The following AMPD3 variants were observed in gnomAD, a reference collection of about 807,000 sequenced individuals.
AMPD3 encodes the protein adenosine monophosphate deaminase 3.
In AMPD3, 57 loss-of-function variants were observed where a neutral mutation model predicts 82.3. The ratio of observed to expected loss-of-function variants is 0.69; its 90% confidence interval spans 0.56 to 0.86. The LOEUF (loss-of-function observed/expected upper bound fraction) is 0.86, where lower values mean the gene tolerates loss of function less well. AMPD3 is among the 40% of genes least tolerant of loss of function. The pLI, the probability that AMPD3 is intolerant of heterozygous loss-of-function variation, is 0.00. For synonymous variants in AMPD3, 381 were observed against 394.7 expected (o/e 0.97, Z 0.41); for missense variants, 870 against 1,003.8 (o/e 0.87, Z 1.80).
At chr11:10,492,576 G>A (rs965227653) in intron 6 of AMPD3, among the ~76,000 whole-genome samples, 5 of 152,206 alleles carry the variant, frequency 3.3e-5, no homozygotes, top group African/African-American at 1.2e-4. Context: ...TGTCGTACCT[G>A]TTAATTTGTT....
At chr11:10,481,309 C>A (rs2133885449) in intron 3 of AMPD3, 1 of 395,588 alleles carries the variant, frequency 2.5e-6, no homozygotes, top group Non-Finnish European at 3.4e-6. Flanking sequence ...TTTTGTTTCG[C>A]CATCTGAAGG....
chr11:10,467,604 T>A (rs1289302548), intron 2 of AMPD3, among the ~76,000 whole-genome samples: 1 of 152,126 alleles, frequency 6.6e-6, no homozygotes, highest in South Asian at 2.1e-4. Context: ...CAGGATATTA[T>A]CCAGGAAAAC....
At chr11:10,487,129 G>C in intron 5 of AMPD3, 106 bp from the exon 6 acceptor site, 1 of 1,589,650 alleles carries the variant, frequency 6.3e-7, no homozygotes, top group Non-Finnish European at 8.6e-7. Flanking sequence ...GCCCTGCTCC[G>C]TCCTGACCCT....
At chr11:10,461,852 C>A (rs955758494) in intron 2 of AMPD3, 112 bp downstream of exon 2, 15 of 1,046,062 alleles carry the variant, frequency 1.4e-5, no homozygotes, top group Non-Finnish European at 2.0e-5. Context: ...GTCCCTAGAG[C>A]TGTGTTGGTT....
intron 1 of AMPD3, among the ~76,000 whole-genome samples, chr11:10,460,451 G>A (rs1356842289): frequency 6.6e-6 from 1 of 150,510 alleles, no homozygotes; most frequent in Non-Finnish European, 1.5e-5. Context: ...CTGTTACCCA[G>A]GTTGGAGTGA....
chr11:10,484,872 A>AC lies in AMPD3; in HGVS notation c.648dup (p.Asn217GlnfsTer17), dbSNP rs1298240902. On this transcript the variant is annotated frameshift_variant, in exon 5 of 15. Coordinates refer to ENST00000396553, the MANE Select transcript of AMPD3 (RefSeq NM_001025389.2). LOFTEE classifies it high-confidence loss of function. ...AAGACCCCTACTGCCTGGATGATGC[A>AC]CCCCCCAACCTGGATTACTTGGTCC... 3 of 1,613,548 alleles carry AC rather than the reference A, an allele frequency of 1.9e-6. No individual in the cohort carries two copies. Among genetic ancestry groups the AC allele is most frequent in the Admixed American group, 1.7e-5 (1 of 59,946 alleles).
At chr11:10,501,169 C>G in intron 11 of AMPD3, 2 of 985,376 alleles carry the variant, frequency 2.0e-6, no homozygotes, top group Non-Finnish European at 2.4e-6. Flanking sequence ...CTCTGGAGTT[C>G]TACGAATGCG....
At chr11:10,451,552 T>A (rs927885428), upstream of AMPD3, among the ~76,000 whole-genome samples, 1 of 152,222 alleles carries the variant, frequency 6.6e-6, no homozygotes, top group African/African-American at 2.4e-5. Flanking sequence ...GATCTTCTGG[T>A]AGCTGCTTTG....
At chr11:10,497,453 G>A in intron 10 of AMPD3, 1 of 369,482 alleles carries the variant, frequency 2.7e-6, no homozygotes, top group Non-Finnish European at 3.8e-6. Context: ...CTTAACCAGG[G>A]AGGGAGGCGG....
chr11:10,450,832 C>CCCGCGGGGCCCTCCTGGCCGGGGAT (rs1192142016), upstream of AMPD3: 1 of 1,194,092 alleles, frequency 8.4e-7, no homozygotes. Flanking sequence ...CCTCCCTCCT[C>CCCGCGGGGCCCTCCTGGCCGGGGAT]CCGCGGGGCC....
intron 2 of AMPD3, chr11:10,473,711 G>A: frequency 3.1e-6 from 2 of 651,612 alleles, no homozygotes; most frequent in Non-Finnish European, 3.8e-6. Context: ...AGATAGGCTG[G>A]GACCTCTGGT....
At chr11:10,491,340 G>T (rs945237509) in intron 6 of AMPD3, among the ~76,000 whole-genome samples, 3 of 152,210 alleles carry the variant, frequency 2.0e-5, no homozygotes, top group Admixed American at 2.0e-4. Flanking sequence ...GTTGTCCTAT[G>T]AGTGAAGCAC....
At chr11:10,453,771 T>G (rs946895979), upstream of AMPD3, among the ~76,000 whole-genome samples, 2 of 151,936 alleles carry the variant, frequency 1.3e-5, no homozygotes, top group Admixed American at 1.3e-4. Flanking sequence ...TGTGTTTTAG[T>G]AGAGATGGGG....
intron 1 of AMPD3, among the ~76,000 whole-genome samples, chr11:10,459,166 G>A (rs1056021301): frequency 6.6e-6 from 1 of 152,150 alleles, no homozygotes; most frequent in African/African-American, 2.4e-5. Context: ...CCAGACAGTT[G>A]TGTGTTGACA....
chr11:10,479,808 C>G (rs1262722438), intron 3 of AMPD3: 3 of 793,046 alleles, frequency 3.8e-6, no homozygotes, highest in Non-Finnish European at 4.6e-6. Context: ...CTTCTTTGTC[C>G]TTTTAAAAAA....
Position 10,484,930 on chromosome 11 carries a change from A to C in AMPD3, c.700A>C (p.Asn234His). The change falls in exon 5 of 15, where the codon AAC (asparagine) becomes CAC (histidine). Residue 234 changes from asparagine to histidine, a missense_variant. Coordinates refer to ENST00000396553, the MANE Select transcript of AMPD3 (RefSeq NM_001025389.2). ...GGGGGGCATCCTCTTTGTGTATGATAACAAGAAGATGCTGGAGCACCAGGA... is the reference window on the plus strand; with the variant it reads ...GGGGGGCATCCTCTTTGTGTATGATCACAAGAAGATGCTGGAGCACCAGGA... ...MQGGILFVYD[N>H]KKMLEHQEPH... 2 of 1,614,136 alleles carry C rather than the reference A, an allele frequency of 1.2e-6. No homozygotes were observed. Among genetic ancestry groups the C allele is most frequent in the Non-Finnish European group, 1.7e-6 (2 of 1,180,022 alleles).
At chr11:10,490,277 G>A (rs1024519262) in intron 6 of AMPD3, among the ~76,000 whole-genome samples, 3 of 152,230 alleles carry the variant, frequency 2.0e-5, no homozygotes, top group African/African-American at 7.2e-5. Context: ...AGAGCTGAGT[G>A]TGTTTGCTGC....
At chr11:10,492,345 G>C (rs916432479) in intron 6 of AMPD3, among the ~76,000 whole-genome samples, 1 of 152,242 alleles carries the variant, frequency 6.6e-6, no homozygotes, top group Non-Finnish European at 1.5e-5. Context: ...GCGGCTTCCA[G>C]TAGAGTGGCT....
At chr11:10,451,249 G>T (rs1847955738), upstream of AMPD3, among the ~76,000 whole-genome samples, 1 of 152,254 alleles carries the variant, frequency 6.6e-6, no homozygotes, top group Admixed American at 6.5e-5. Context: ...GGTGGCCCGA[G>T]CCCCAGCGGC....
Sources: gnomAD v4.1 joint callset for allele counts (sites outside exome capture counted in the v4.1 genomes callset) on GRCh38, gnomAD v4.1.1 for gene constraint, MANE v1.5 for transcripts, NCBI Gene and HGNC (gene_info 2026-07-23, HGNC 2026-07-21) for gene names.